The following RMST variants were observed in gnomAD, a reference collection of about 807,000 sequenced individuals.
The protein encoded by RMST is long intergenic non-protein coding RNA 54.
At chr12:97,564,211 A>C (rs1404167250) in exon 14 of RMST, 2 of 197,208 alleles carry the variant, frequency 1.0e-5, no homozygotes, top group African/African-American at 2.3e-5. Context: ...CAATCCTTCT[A>C]TGCCTTCTTT....
intron 5 of RMST, among the ~76,000 whole-genome samples, chr12:97,481,159 AT>A (rs369252146): frequency 2.3e-4 from 35 of 151,952 alleles, no homozygotes; most frequent in African/African-American, 7.7e-4. Context: ...TTAACTTTTA[AT>A]TTTTTTTCTT....
intron 10 of RMST, among the ~76,000 whole-genome samples, chr12:97,524,075 C>CAGAGAAAAA (rs57255256): frequency 0.016 from 879 of 56,106 alleles, 320 homozygotes; most frequent in Non-Finnish European, 0.019. Flanking sequence ...GACTCTGTCT[C>CAGAGAAAAA]AAAAAAAAAA....
intron 7 of RMST, among the ~76,000 whole-genome samples, chr12:97,493,693 C>G (rs1593174538): frequency 6.6e-6 from 1 of 152,180 alleles, no homozygotes; most frequent in East Asian, 1.9e-4. Context: ...TAATCACAAT[C>G]ACACTTACAA....
intron 10 of RMST, among the ~76,000 whole-genome samples, chr12:97,521,548 T>C (rs1880513583): frequency 6.6e-6 from 1 of 152,188 alleles, no homozygotes; most frequent in South Asian, 2.1e-4. Context: ...TAATTTCTAA[T>C]CATAACTCTA....
intron 10 of RMST, among the ~76,000 whole-genome samples, chr12:97,498,380 A>G (rs1877698903): frequency 6.6e-6 from 1 of 152,184 alleles, no homozygotes; most frequent in African/African-American, 2.4e-5. Context: ...CTGTATAAAC[A>G]GTTTCTAAAC....
rs113722074 is a variant in RMST at position 97,497,679 on chromosome 12, AT to A, written n.1340+1636del. Among the ~76,000 whole-genome samples the A allele has an allele frequency of 8.3e-3, 1,184 of 142,620 alleles. 9 individuals carry two copies. The highest frequency in any genetic ancestry group is 0.054 in the South Asian group (243 of 4,490). The allele number at this position is 142,620 out of a possible 152,430, so 93.6% of individuals were successfully genotyped here. A position where few individuals can be genotyped will look rare whatever the true frequency, so the allele number is the denominator to read the frequency against. On this transcript the variant is annotated intron_variant and non_coding_transcript_variant, in intron 10 of 13. Transcript: ENST00000640149. ...TTTAGAGAGGTAGGGCACAAGGATG[AT>A]TTTTTTTTTTTTGCCTTTCTTTTTC...
chr12:97,559,166 T>C (rs1033073752), intron 11 of RMST, among the ~76,000 whole-genome samples: 3 of 152,006 alleles, frequency 2.0e-5, no homozygotes, highest in African/African-American at 7.2e-5. Context: ...GTGATCTCAG[T>C]TTAGGGTTCA....
At chr12:97,525,433 A>G (rs1236900145) in intron 10 of RMST, among the ~76,000 whole-genome samples, 1 of 152,162 alleles carries the variant, frequency 6.6e-6, no homozygotes, top group East Asian at 1.9e-4. Context: ...ACTAGAATAG[A>G]CTGCATATTC....
At chr12:97,553,949 CTTTTTTTTTT>C (rs756008010) in intron 11 of RMST, among the ~76,000 whole-genome samples, 3 of 120,284 alleles carry the variant, frequency 2.5e-5, no homozygotes, top group African/African-American at 1.0e-4. Context: ...TTTTCTTTCT[CTTTTTTTTTT>C]TTTTTTTTTT....
intron 5 of RMST, among the ~76,000 whole-genome samples, chr12:97,481,718 A>G (rs1202625119): frequency 1.3e-5 from 2 of 152,210 alleles, no homozygotes; most frequent in East Asian, 3.8e-4. Flanking sequence ...CCATCCGTGC[A>G]AGTGTTTTAT....
Position 97,535,650 on chromosome 12 carries a change from G to A in RMST, n.1545+4791G>A, listed in dbSNP as rs142131877. On this transcript the variant is annotated intron_variant and non_coding_transcript_variant, in intron 11 of 13. Transcript: ENST00000640149. ...CTTTCCTTCACCAAAGCTGTCTTTGGGATAATCATAGCATTCCACTTTGCT... is the reference window on the plus strand; with the variant it reads ...CTTTCCTTCACCAAAGCTGTCTTTGAGATAATCATAGCATTCCACTTTGCT... 4.2e-3 allele frequency among the ~76,000 whole-genome samples: 630 copies of A among 151,686 alleles called. 6 individuals are homozygous for A. Among genetic ancestry groups the A allele is most frequent in the Middle Eastern group, 0.014 (4 of 294 alleles).
chr12:97,564,151 A>T, exon 14 of RMST: 3 of 304,168 alleles, frequency 9.9e-6, no homozygotes, highest in Non-Finnish European at 1.9e-5. Context: ...CTATTAAAGA[A>T]CATGCTCTAG....
At chr12:97,467,670 C>T (rs903532753) in intron 5 of RMST, among the ~76,000 whole-genome samples, 4 of 151,974 alleles carry the variant, frequency 2.6e-5, no homozygotes, top group Admixed American at 6.6e-5. Context: ...TACAGACCAG[C>T]TATTATAATA....
At chr12:97,485,861 A>G (rs1488021054) in intron 5 of RMST, among the ~76,000 whole-genome samples, 2 of 152,208 alleles carry the variant, frequency 1.3e-5, no homozygotes, top group East Asian at 3.9e-4. Flanking sequence ...CTCCACATGT[A>G]GGCCCACCTG....
At chr12:97,560,866 C>T (rs926749490) in exon 13 of RMST, 1 of 152,218 alleles carries the variant, frequency 6.6e-6, no homozygotes, top group Non-Finnish European at 1.5e-5. Context: ...CTGCCTTAGA[C>T]AAAGAATGCA....
chr12:97,491,961 A>G, intron 5 of RMST: 1 of 533,706 alleles, frequency 1.9e-6, no homozygotes, highest in South Asian at 1.4e-5. Context: ...CGCTTTGCTC[A>G]GCCAGTGTAG....
intron 10 of RMST, among the ~76,000 whole-genome samples, chr12:97,530,041 A>G (rs973418791): frequency 4.6e-5 from 7 of 152,036 alleles, no homozygotes; most frequent in Non-Finnish European, 8.8e-5. Flanking sequence ...TGAAAAAGGG[A>G]TAGATGGAGA....
intron 7 of RMST, chr12:97,493,318 C>T (rs1877051304): frequency 6.6e-6 from 1 of 152,496 alleles, no homozygotes; most frequent in African/African-American, 2.4e-5. Flanking sequence ...TTTCCCATGC[C>T]TGCAGAAATA....
At chr12:97,504,446 T>C (rs1002444210) in intron 10 of RMST, among the ~76,000 whole-genome samples, 1 of 151,594 alleles carries the variant, frequency 6.6e-6, no homozygotes, top group Non-Finnish European at 1.5e-5. Flanking sequence ...TGCACAAACT[T>C]TAATGAATAG....
Sources: gnomAD v4.1 joint callset for allele counts (sites outside exome capture counted in the v4.1 genomes callset) on GRCh38, gnomAD v4.1.1 for gene constraint, MANE v1.5 for transcripts, NCBI Gene and HGNC (gene_info 2026-07-23, HGNC 2026-07-21) for gene names.